The following CDC42SE2 variants were observed in gnomAD, a reference collection of about 807,000 sequenced individuals.
CDC42SE2 encodes CDC42 small effector 2, also known as CDC42 small effector protein 2.
A neutral mutation model predicts 11.5 loss-of-function variants in CDC42SE2; 3 were observed. The ratio of observed to expected loss-of-function variants is 0.26; its 90% CI spans 0.12 to 0.67. The LOEUF is 0.67. CDC42SE2 is among the 30% of genes least tolerant of loss of function. CDC42SE2 has a pLI of 0.80. For synonymous variants in CDC42SE2, 33 were observed against 34.8 expected (o/e 0.95, Z 0.18); for missense variants, 82 against 106.8 (o/e 0.77, Z 1.02).
chr5:131,331,183 A>G (rs926289484), intron 2 of CDC42SE2, among the ~76,000 whole-genome samples: 2 of 152,336 alleles, frequency 1.3e-5, no homozygotes, highest in East Asian at 1.9e-4. Context: ...TGTGAAATCT[A>G]TTTTGAACAC....
intron 2 of CDC42SE2, among the ~76,000 whole-genome samples, chr5:131,358,117 C>A (rs1430475730): frequency 6.6e-6 from 1 of 152,140 alleles, no homozygotes; most frequent in Non-Finnish European, 1.5e-5. Context: ...GTCATGATAC[C>A]GTTTTGCCTA....
At chr5:131,378,074 A>G (rs1372922339) in intron 3 of CDC42SE2, among the ~76,000 whole-genome samples, 1 of 152,244 alleles carries the variant, frequency 6.6e-6, no homozygotes, top group Non-Finnish European at 1.5e-5. Context: ...CAATGTTTTA[A>G]GTACTATAAT....
chr5:131,343,160 G>C (rs1758754293), intron 2 of CDC42SE2, among the ~76,000 whole-genome samples: 1 of 152,078 alleles, frequency 6.6e-6, no homozygotes, highest in Non-Finnish European at 1.5e-5. Flanking sequence ...CCACCGAGAA[G>C]AGTAACATAG....
At chr5:131,330,342 G>A (rs145818538) in intron 2 of CDC42SE2, among the ~76,000 whole-genome samples, 32 of 152,204 alleles carry the variant, frequency 2.1e-4, no homozygotes, top group African/African-American at 7.2e-4. Flanking sequence ...GGAATTTGGA[G>A]GAATAACCAA....
intron 1 of CDC42SE2, among the ~76,000 whole-genome samples, chr5:131,303,783 T>C (rs1757729473): frequency 6.6e-6 from 1 of 152,182 alleles, no homozygotes; most frequent in African/African-American, 2.4e-5. Flanking sequence ...GATGCAAAAC[T>C]AGCATAATTT....
the CDC42SE2 span, among the ~76,000 whole-genome samples, chr5:131,221,938 T>C: frequency 6.6e-6 from 1 of 152,236 alleles, no homozygotes; most frequent in African/African-American, 2.4e-5. Context: ...CAAGTTACCA[T>C]TGATTCATAT....
intron 2 of CDC42SE2, among the ~76,000 whole-genome samples, chr5:131,347,235 AATTG>A (rs1179767336): frequency 6.6e-6 from 1 of 152,178 alleles, no homozygotes; most frequent in Non-Finnish European, 1.5e-5. Context: ...AGATCAACAA[AATTG>A]ATAGACCGCT....
chr5:131,312,321 G>T (rs370924128), intron 1 of CDC42SE2, among the ~76,000 whole-genome samples: 13 of 152,290 alleles, frequency 8.5e-5, no homozygotes, highest in East Asian at 5.8e-4. Context: ...CCAGCTGCGT[G>T]CTGGGAGTGC....
rs970856183 is a variant in CDC42SE2 at position 131,358,083 on chromosome 5, G to T, written c.-285-1126G>T. 4.6e-5 allele frequency among the ~76,000 whole-genome samples: 7 copies of T among 152,294 alleles called. No individual in the cohort carries two copies. The East Asian group carries it at 1.3e-3, about 29-fold the overall frequency. On this transcript the variant is annotated intron_variant, in intron 2 of 4. Transcript: ENST00000505065. ...ATTTAAATGCTGTTCTTACTCAGAG[G>T]ACTCTGTTGAGCACACTTTGCTTGT...
At chr5:131,213,878 T>C in the CDC42SE2 span, among the ~76,000 whole-genome samples, 1 of 151,334 alleles carries the variant, frequency 6.6e-6, no homozygotes, top group African/African-American at 2.4e-5. Flanking sequence ...CCTTTAGGGC[T>C]TTTTTTTCTG....
intron 1 of CDC42SE2, among the ~76,000 whole-genome samples, chr5:131,264,932 G>T (rs1756825198): frequency 6.6e-6 from 1 of 152,284 alleles, no homozygotes; most frequent in Admixed American, 6.5e-5. Flanking sequence ...GGGAATTTTG[G>T]GGGGTGATGT....
intron 2 of CDC42SE2, among the ~76,000 whole-genome samples, chr5:131,322,240 T>G (rs904521754): frequency 3.9e-5 from 6 of 152,230 alleles, no homozygotes; most frequent in Non-Finnish European, 5.9e-5. Context: ...GTGTTAAGTA[T>G]GTTCACATTG....
upstream of CDC42SE2, chr5:131,263,785 C>A (rs1756784603): frequency 1.3e-5 from 2 of 152,232 alleles, no homozygotes; most frequent in Non-Finnish European, 2.9e-5. Flanking sequence ...TCCTTTCCCG[C>A]GAGTGCTGCA....
the CDC42SE2 span, among the ~76,000 whole-genome samples, chr5:131,239,424 G>A: frequency 4.6e-5 from 7 of 151,978 alleles, no homozygotes; most frequent in East Asian, 3.9e-4. Context: ...GCAACAGAGC[G>A]AGACCTTGTA....
At chr5:131,286,134 A>T (rs1333016961) in intron 1 of CDC42SE2, among the ~76,000 whole-genome samples, 1 of 148,218 alleles carries the variant, frequency 6.7e-6, no homozygotes, top group Non-Finnish European at 1.5e-5. Context: ...GGCTCACTGC[A>T]GCCTCAACCT....
At chr5:131,225,336 A>C in the CDC42SE2 span, among the ~76,000 whole-genome samples, 20 of 152,330 alleles carry the variant, frequency 1.3e-4, no homozygotes, top group South Asian at 3.1e-3. Context: ...TTTTATGCGT[A>C]CCTACAAGCC....
upstream of CDC42SE2, among the ~76,000 whole-genome samples, chr5:131,260,333 T>G (rs988775066): frequency 6.6e-6 from 1 of 152,122 alleles, no homozygotes; most frequent in African/African-American, 2.4e-5. Flanking sequence ...TTAAAAAACA[T>G]TAATAGTGGC....
chr5:131,265,573 A>C (rs1561564997), intron 1 of CDC42SE2, among the ~76,000 whole-genome samples: 1 of 152,250 alleles, frequency 6.6e-6, no homozygotes, highest in Non-Finnish European at 1.5e-5. Context: ...TTAAACTTGA[A>C]TGCAAAGTTA....
At chr5:131,301,054 G>A (rs1314985260) in intron 1 of CDC42SE2, among the ~76,000 whole-genome samples, 1 of 152,122 alleles carries the variant, frequency 6.6e-6, no homozygotes, top group African/African-American at 2.4e-5. Flanking sequence ...ATTCTCTGTG[G>A]CAGTCAGAAT....
Sources: allele counts gnomAD v4.1 joint callset (sites outside exome capture counted in the v4.1 genomes callset), GRCh38; gene constraint gnomAD v4.1.1; transcripts MANE v1.5; gene names NCBI Gene and HGNC (gene_info 2026-07-23, HGNC 2026-07-21).